The following GLRA3 variants were observed in gnomAD, a reference collection of about 807,000 sequenced individuals.
GLRA3 encodes the protein glycine receptor subunit alpha-3.
Under a neutral mutation model 60.4 loss-of-function variants are expected in GLRA3, and 44 were observed. That is an observed-to-expected ratio of 0.73 (90% CI 0.57 to 0.94). The LOEUF (loss-of-function observed/expected upper bound fraction) is 0.94, where lower values mean the gene tolerates loss of function less well. Among genes scored for constraint, GLRA3 ranks in the 40% least tolerant of loss-of-function variants. The pLI is 0.00. For synonymous variants in GLRA3, 223 were observed against 192.9 expected (o/e 1.16, Z -1.29); for missense variants, 508 against 564.6 (o/e 0.90, Z 1.02).
chr4:174,710,889 T>A (rs1395521090), intron 5 of GLRA3, among the ~76,000 whole-genome samples: 1 of 152,116 alleles, frequency 6.6e-6, no homozygotes, highest in Admixed American at 6.5e-5. Context: ...CACTCTATTG[T>A]GTCTTTTTGG....
intron 7 of GLRA3, among the ~76,000 whole-genome samples, chr4:174,660,200 A>G (rs1733383151): frequency 6.6e-6 from 1 of 151,946 alleles, no homozygotes; most frequent in Non-Finnish European, 1.5e-5. Flanking sequence ...AATCCCTCCC[A>G]TTTCACCAAT....
rs201476578 is a variant in GLRA3, at chr4:174,728,645, C to A, written c.321G>T (p.Ala107=). 2 of 1,611,194 alleles carry A rather than the reference C, an allele frequency of 1.2e-6. No individual in the cohort carries two copies. The highest frequency in any genetic ancestry group is 8.5e-7 in the Non-Finnish European group (1 of 1,177,752). ...LRQKWNDPRL[A]YSEYPDDSLD... ...AAGAGTCGTCAGGATATTCACTGTA[C>A]GCGAGGCGGGGATCATTCCATTTCT... The change falls in exon 4 of 10, where the codon GCG becomes GCT. Residue 107 remains alanine (A), a synonymous_variant. Coordinates refer to ENST00000274093, the MANE Select transcript of GLRA3 (RefSeq NM_006529.4).
chr4:174,647,037 T>C (rs1194852566), intron 9 of GLRA3, among the ~76,000 whole-genome samples: 3 of 152,172 alleles, frequency 2.0e-5, no homozygotes, highest in South Asian at 2.1e-4. Context: ...CCCTGTTGAA[T>C]TGGCAGATGG....
chr4:174,683,539 C>T (rs879297422), intron 5 of GLRA3, among the ~76,000 whole-genome samples: 3 of 151,902 alleles, frequency 2.0e-5, no homozygotes, highest in Admixed American at 1.3e-4. Context: ...TTAGTAGAGA[C>T]GGGGTTTTAC....
In GLRA3 at chr4:174,643,023, T is replaced by C. The variant is rs1356966807; in HGVS notation, c.*763A>G. 1 of 940,150 alleles carries C rather than the reference T, an allele frequency of 1.1e-6. No homozygotes were observed. The highest frequency in any genetic ancestry group is 1.3e-6 in the Non-Finnish European group (1 of 789,490). The allele number at this position is 940,150 out of a possible 1,614,324, so 58.2% of individuals were successfully genotyped here. A position where few individuals can be genotyped will look rare whatever the true frequency, so the allele number is the denominator to read the frequency against. ...GTGCTGGCTTGAATTGTTCAATGTTTGGCAATAACTAAAAATACATAGCTA... is the reference window on the plus strand; with the variant it reads ...GTGCTGGCTTGAATTGTTCAATGTTCGGCAATAACTAAAAATACATAGCTA... On this transcript the variant is annotated 3_prime_UTR_variant, in exon 10 of 10. Transcript: ENST00000274093.
intron 3 of GLRA3, among the ~76,000 whole-genome samples, chr4:174,766,415 T>C (rs1489415217): frequency 2.0e-5 from 3 of 152,058 alleles, no homozygotes; most frequent in Non-Finnish European, 2.9e-5. Flanking sequence ...GAAAAAGCTA[T>C]AAAATTTAAG....
At chr4:174,806,699 G>A (rs908544714) in intron 1 of GLRA3, among the ~76,000 whole-genome samples, 2 of 151,956 alleles carry the variant, frequency 1.3e-5, no homozygotes, top group South Asian at 2.1e-4. Flanking sequence ...GTGGAAATAC[G>A]ACTTTATTTT....
intron 7 of GLRA3, among the ~76,000 whole-genome samples, chr4:174,667,190 A>C (rs989843509): frequency 2.0e-4 from 31 of 152,118 alleles, no homozygotes; most frequent in African/African-American, 7.2e-4. Flanking sequence ...TTCATTAGCC[A>C]GAACTACTCA....
intron 5 of GLRA3, among the ~76,000 whole-genome samples, chr4:174,708,339 T>A (rs1735587049): frequency 6.6e-6 from 1 of 151,960 alleles, no homozygotes; most frequent in South Asian, 2.1e-4. Context: ...AATCATAAAA[T>A]CCTCTCATCT....
intron 3 of GLRA3, among the ~76,000 whole-genome samples, chr4:174,741,609 T>C: frequency 6.6e-6 from 1 of 152,192 alleles, no homozygotes; most frequent in East Asian, 1.9e-4. Context: ...TTATCCATTA[T>C]TTATATTTTT....
At chr4:174,672,770 G>A (rs1733959619) in intron 7 of GLRA3, among the ~76,000 whole-genome samples, 1 of 152,088 alleles carries the variant, frequency 6.6e-6, no homozygotes, top group Admixed American at 6.6e-5. Context: ...CAGGATAATT[G>A]CGATGTAACT....
intron 1 of GLRA3, among the ~76,000 whole-genome samples, chr4:174,817,677 G>A (rs1366914993): frequency 3.3e-5 from 5 of 151,954 alleles, no homozygotes; most frequent in Admixed American, 1.3e-4. Context: ...TCACTATCTC[G>A]GCTCACTGCA....
Position 174,648,505 on chromosome 4 carries a change from AC to A in GLRA3, c.1117-4442del, listed in dbSNP as rs368633446. Among the ~76,000 whole-genome samples, 525 of 152,248 alleles carry A rather than the reference AC, an allele frequency of 3.4e-3. 2 individuals carry two copies. The highest frequency in any genetic ancestry group is 6.3e-3 in the Non-Finnish European group (428 of 68,004). ...AATCAATCAATCTCTGCTGAGAAGG[AC>A]TGACTGATGCTCTCACTGCTGTGAA... On this transcript the variant is annotated intron_variant, in intron 9 of 9. Transcript: ENST00000274093.
chr4:174,672,521 G>T (rs2110937609), intron 7 of GLRA3, among the ~76,000 whole-genome samples: 1 of 152,132 alleles, frequency 6.6e-6, no homozygotes, highest in East Asian at 1.9e-4. Context: ...CACAAGCCTT[G>T]CATGTTTCTG....
chr4:174,763,273 C>T (rs1738004924), intron 3 of GLRA3, among the ~76,000 whole-genome samples: 1 of 152,170 alleles, frequency 6.6e-6, no homozygotes. Context: ...TAACTGCTTC[C>T]ATGTAACTGC....
intron 1 of GLRA3, among the ~76,000 whole-genome samples, chr4:174,826,185 C>T (rs1740959528): frequency 6.6e-6 from 1 of 152,076 alleles, no homozygotes; most frequent in Non-Finnish European, 1.5e-5. Flanking sequence ...CCCAAATACC[C>T]ATCAACAGGA....
At chr4:174,783,959 C>T (rs1423803778) in intron 2 of GLRA3, among the ~76,000 whole-genome samples, 2 of 150,782 alleles carry the variant, frequency 1.3e-5, no homozygotes, top group Non-Finnish European at 3.0e-5. Context: ...ATCCAGCCAT[C>T]CCATTACTGG....
chr4:174,820,507 A>G (rs1461583095), intron 1 of GLRA3, among the ~76,000 whole-genome samples: 1 of 152,180 alleles, frequency 6.6e-6, no homozygotes, highest in African/African-American at 2.4e-5. Flanking sequence ...AGCTAGACAG[A>G]GAACTCAGAC....
intron 2 of GLRA3, among the ~76,000 whole-genome samples, chr4:174,767,697 G>T (rs1353551862): frequency 6.6e-6 from 1 of 152,032 alleles, no homozygotes; most frequent in Non-Finnish European, 1.5e-5. Context: ...CCATGGGTTT[G>T]GGGACATGTC....
Sources: gnomAD v4.1 joint callset for allele counts (sites outside exome capture counted in the v4.1 genomes callset) on GRCh38, gnomAD v4.1.1 for gene constraint, MANE v1.5 for transcripts, NCBI Gene and HGNC (gene_info 2026-07-23, HGNC 2026-07-21) for gene names.